Variants in GAS2 observed in about 807,000 individuals in gnomAD.
GAS2 encodes growth arrest-specific protein 2.
A neutral mutation model predicts 37.5 loss-of-function variants in GAS2; 20 were observed. That is an observed-to-expected ratio of 0.53 (90% CI 0.37 to 0.77). GAS2 has a LOEUF of 0.77. Among genes scored for constraint, GAS2 ranks in the 30% least tolerant of loss-of-function variants. GAS2 has a pLI of 0.00. For synonymous variants in GAS2, 144 were observed against 132.2 expected (o/e 1.09, Z -0.61); for missense variants, 336 against 373.4 (o/e 0.90, Z 0.82).
At chr11:22,706,086 T>A in intron 3 of GAS2, among the ~76,000 whole-genome samples, 1 of 152,120 alleles carries the variant, frequency 6.6e-6, no homozygotes, top group East Asian at 1.9e-4. Flanking sequence ...CAAAGCTAAG[T>A]CTTGTTGGAT....
chr11:22,750,693 A>G (rs948017855), intron 6 of GAS2, among the ~76,000 whole-genome samples: 8 of 152,004 alleles, frequency 5.3e-5, no homozygotes, highest in African/African-American at 1.9e-4. Flanking sequence ...TATTGTTTAT[A>G]TATTGATGAG....
chr11:22,786,259 A>G (rs183219782), intron 7 of GAS2, among the ~76,000 whole-genome samples: 4 of 152,300 alleles, frequency 2.6e-5, no homozygotes, highest in Admixed American at 2.6e-4. Flanking sequence ...AATGAACTTC[A>G]TCCGAGCTGT....
At chr11:22,704,586 A>ATC (rs1390957954) in intron 3 of GAS2, among the ~76,000 whole-genome samples, 5 of 61,592 alleles carry the variant, frequency 8.1e-5, no homozygotes, top group African/African-American at 3.5e-4. Context: ...AGTGAAAATA[A>ATC]ACATATATAT....
chr11:22,736,116 T>C lies in GAS2; in HGVS notation c.410-1589T>C, dbSNP rs188903493. ...ATGTGTTATTGTTCTCTGTATGAAA[T>C]TGATGCCTGTGTGGCATTACAGCCC... On this transcript the variant is annotated intron_variant, in intron 4 of 7. Transcript: ENST00000454584. 3.6e-4 allele frequency among the ~76,000 whole-genome samples: 54 copies of C among 152,090 alleles called. No homozygotes were observed. The East Asian group carries it at 7.1e-3, about 20-fold the overall frequency.
intron 7 of GAS2, among the ~76,000 whole-genome samples, chr11:22,792,710 A>G (rs994159334): frequency 8.5e-5 from 13 of 152,328 alleles, no homozygotes; most frequent in African/African-American, 3.1e-4. Context: ...GCCCCATGGA[A>G]CAATAGGCTC....
intron 7 of GAS2, among the ~76,000 whole-genome samples, chr11:22,782,627 A>T (rs1054216247): frequency 3.3e-5 from 5 of 151,412 alleles, no homozygotes; most frequent in Non-Finnish European, 5.9e-5. Context: ...TGTACCCAGA[A>T]TTTAGCTCTC....
At chr11:22,652,596 G>A (rs903329279) in intron 1 of GAS2, among the ~76,000 whole-genome samples, 1 of 152,196 alleles carries the variant, frequency 6.6e-6, no homozygotes, top group African/African-American at 2.4e-5. Context: ...AGGACCCTCC[G>A]AGCCAGGTGG....
intron 3 of GAS2, among the ~76,000 whole-genome samples, chr11:22,690,044 T>C (rs1322808160): frequency 6.6e-6 from 1 of 152,220 alleles, no homozygotes; most frequent in Admixed American, 6.5e-5. Context: ...TGTAATTTTT[T>C]TCTAGCAGCT....
chr11:22,726,527 C>T, intron 4 of GAS2, 94 bp downstream of exon 4: 1 of 1,001,458 alleles, frequency 1.0e-6, no homozygotes, highest in Non-Finnish European at 1.5e-6. Context: ...TGTATGATGT[C>T]ATTTTGCAGA....
At chr11:22,709,566 T>A (rs1431972702) in intron 3 of GAS2, among the ~76,000 whole-genome samples, 3 of 152,178 alleles carry the variant, frequency 2.0e-5, no homozygotes, top group Admixed American at 6.6e-5. Flanking sequence ...GCAGTGAAGT[T>A]AGCAGCAAAG....
intron 3 of GAS2, among the ~76,000 whole-genome samples, chr11:22,703,402 G>C (rs935967115): frequency 5.9e-5 from 9 of 152,068 alleles, no homozygotes; most frequent in African/African-American, 2.2e-4. Flanking sequence ...CTCACCCTAT[G>C]GAAAATGGAG....
chr11:22,639,147 A>G (rs768019882), intron 1 of GAS2, among the ~76,000 whole-genome samples: 5 of 152,162 alleles, frequency 3.3e-5, no homozygotes, highest in Non-Finnish European at 4.4e-5. Flanking sequence ...CCATATTGCT[A>G]TAGTTTGAAT....
In GAS2 at chr11:22,720,742, T is replaced by C. The variant is rs532130159; in HGVS notation, c.268-5550T>C. ...TCTTCTGTTTTATATCTCAAATGTCTACTTGATGTAATCAAGGGGAGTAGT... is the reference window on the plus strand; with the variant it reads ...TCTTCTGTTTTATATCTCAAATGTCCACTTGATGTAATCAAGGGGAGTAGT... On this transcript the variant is annotated intron_variant, in intron 3 of 7. Coordinates refer to ENST00000454584, the MANE Select transcript of GAS2 (RefSeq NM_001143830.3). 3.9e-5 allele frequency among the ~76,000 whole-genome samples: 6 copies of C among 152,156 alleles called. No individual in the cohort carries two copies. In the South Asian group the frequency reaches 1.2e-3, roughly 32 times the overall value.
intron 2 of GAS2, among the ~76,000 whole-genome samples, chr11:22,676,388 A>G (rs978377443): frequency 3.3e-5 from 5 of 152,308 alleles, no homozygotes; most frequent in Non-Finnish European, 7.3e-5. Context: ...TTGAGCTATC[A>G]GTTTTCAGAT....
At chr11:22,636,639 A>G (rs1427657495) in intron 1 of GAS2, among the ~76,000 whole-genome samples, 5 of 152,122 alleles carry the variant, frequency 3.3e-5, no homozygotes, top group Admixed American at 6.6e-5. Context: ...GTTCAGAAAT[A>G]TCCATATGAA....
chr11:22,766,867 A>G (rs570431171), intron 7 of GAS2, among the ~76,000 whole-genome samples: 1 of 152,074 alleles, frequency 6.6e-6, no homozygotes, highest in African/African-American at 2.4e-5. Flanking sequence ...TAGGTATGGA[A>G]GGATTTTCTG....
intron 2 of GAS2, among the ~76,000 whole-genome samples, chr11:22,680,335 T>C (rs1849618936): frequency 6.6e-6 from 1 of 152,118 alleles, no homozygotes; most frequent in East Asian, 1.9e-4. Context: ...TTGATATAAA[T>C]GCAGGGTAGA....
intron 2 of GAS2, among the ~76,000 whole-genome samples, chr11:22,680,739 G>A (rs1163460234): frequency 1.3e-5 from 2 of 151,978 alleles, no homozygotes; most frequent in African/African-American, 4.8e-5. Context: ...TTTCTGTAGT[G>A]TTTCTACATA....
At chr11:22,693,874 T>C (rs1044600869) in intron 3 of GAS2, among the ~76,000 whole-genome samples, 2 of 152,140 alleles carry the variant, frequency 1.3e-5, no homozygotes, top group South Asian at 4.1e-4. Context: ...AGTCTGGGAA[T>C]TGGGCAATCA....
Sources: allele counts gnomAD v4.1 joint callset (sites outside exome capture counted in the v4.1 genomes callset), GRCh38; gene constraint gnomAD v4.1.1; transcripts MANE v1.5; gene names NCBI Gene and HGNC (gene_info 2026-07-23, HGNC 2026-07-21).